The following ZCCHC4 variants were observed in gnomAD, a reference collection of about 807,000 sequenced individuals.
ZCCHC4 encodes zinc finger CCHC-type containing 4.
In ZCCHC4, 54 loss-of-function variants were observed where a neutral mutation model predicts 67.7. The ratio of observed to expected loss-of-function variants is 0.80; its 90% CI spans 0.64 to 1.00. The LOEUF (loss-of-function observed/expected upper bound fraction) is 1.00, where lower values mean the gene tolerates loss of function less well. Ranked by LOEUF, ZCCHC4 falls within the 50% of genes least tolerant of loss-of-function variation. ZCCHC4 has a pLI of 0.00. For missense variants in ZCCHC4, 609 were observed against 617.0 expected, an observed-to-expected ratio of 0.99 and a Z score of 0.14; for synonymous variants, 198 against 213.5, an observed-to-expected ratio of 0.93 and a Z score of 0.63.
intron 4 of ZCCHC4, 36 bp from the exon 5 acceptor site, chr4:25,333,872 A>G: frequency 5.0e-6 from 7 of 1,408,922 alleles, no homozygotes; most frequent in Non-Finnish European, 6.8e-6. Flanking sequence ...GACATTTGTA[A>G]TATCTTATTA....
chr4:25,362,085 AC>A, intron 9 of ZCCHC4, 105 bp downstream of exon 9: 1 of 1,475,608 alleles, frequency 6.8e-7, no homozygotes, highest in Non-Finnish European at 9.1e-7. Flanking sequence ...TTCTTCTGTT[AC>A]TTTTAAATTA....
chr4:25,364,811 TGAATTTGTTGCATGTAACA>T (rs370176259), intron 11 of ZCCHC4, among the ~76,000 whole-genome samples, 192 bp from the exon 12 acceptor site: 12 of 152,356 alleles, frequency 7.9e-5, no homozygotes, highest in African/African-American at 2.6e-4. Flanking sequence ...GGAGAAGGGC[TGAATTTGTTGCATGTAACA>T]GAAAGAAGTT....
At chr4:25,330,731 C>T (rs1485128669) in intron 3 of ZCCHC4, among the ~76,000 whole-genome samples, 3 of 152,192 alleles carry the variant, frequency 2.0e-5, no homozygotes, top group African/African-American at 7.2e-5. Context: ...AGGCAGTGCT[C>T]TTCTGAGTAC....
In ZCCHC4 at chr4:25,333,413, T is replaced by C. The variant is rs756913715; in HGVS notation, c.560T>C (p.Leu187Pro). Residue 187 changes from leucine (L) to proline (P), a missense_variant, in exon 4 of 13, where the codon CTT (leucine) becomes CCT (proline). Coordinates refer to ENST00000302874, the MANE Select transcript of ZCCHC4 (RefSeq NM_024936.3). ...DRSCQFLVDL[L>P]SALGFRRVLC... ...AGCTGTCAGTTCTTGGTAGACTTAC[T>C]TTCTGCCCTCGGATTCAGAAGAGTA... The C allele has an allele frequency of 8.1e-6, 13 of 1,614,086 alleles. No homozygotes were observed. Among genetic ancestry groups the C allele is most frequent in the Non-Finnish European group, 1.1e-5 (13 of 1,180,038 alleles).
chr4:25,329,629 G>C (rs562704944), intron 3 of ZCCHC4, among the ~76,000 whole-genome samples: 4 of 151,268 alleles, frequency 2.6e-5, no homozygotes, highest in Admixed American at 6.6e-5. Context: ...CTGCCTCATG[G>C]GTTCAAGTGA....
intron 7 of ZCCHC4, 40 bp downstream of exon 7, chr4:25,349,682 T>C: frequency 1.3e-6 from 2 of 1,590,266 alleles, no homozygotes; most frequent in Non-Finnish European, 1.7e-6. Context: ...CATATCTATA[T>C]ATCTACTTCC....
intron 3 of ZCCHC4, among the ~76,000 whole-genome samples, chr4:25,322,022 C>T (rs1718608826): frequency 6.6e-6 from 1 of 152,216 alleles, no homozygotes; most frequent in East Asian, 1.9e-4. Flanking sequence ...TGAACTACAT[C>T]TTGGCCTCTG....
rs750951399 is a variant in ZCCHC4 at position 25,314,169 on chromosome 4, A to G, written c.246+5A>G. ...TTTCAGTGGGAAGATGAAAAGGTAT[A>G]TCAACTTTTTGGATATTTATTTTTT... On this transcript the variant is annotated splice_donor_5th_base_variant and intron_variant, in intron 2 of 12. Coordinates refer to ENST00000302874, the MANE Select transcript of ZCCHC4 (RefSeq NM_024936.3). The G allele has an allele frequency of 3.2e-6, 5 of 1,556,842 alleles. No homozygotes were observed. The highest frequency in any genetic ancestry group is 2.0e-5 in the Admixed American group (1 of 50,750).
chr4:25,321,341 CT>C (rs1479888803), intron 3 of ZCCHC4, among the ~76,000 whole-genome samples: 1 of 151,888 alleles, frequency 6.6e-6, no homozygotes, highest in Non-Finnish European at 1.5e-5. Flanking sequence ...TAGCCTCCAA[CT>C]TTTGGGATTA....
intron 5 of ZCCHC4, among the ~76,000 whole-genome samples, chr4:25,334,791 T>C (rs1719368145): frequency 6.6e-6 from 1 of 152,178 alleles, no homozygotes; most frequent in South Asian, 2.1e-4. Context: ...AATCAGGCTT[T>C]GTGTTTCCTT....
chr4:25,317,945 A>G (rs1718359146), intron 3 of ZCCHC4, among the ~76,000 whole-genome samples: 1 of 152,204 alleles, frequency 6.6e-6, no homozygotes, highest in Non-Finnish European at 1.5e-5. Context: ...GCAGATAGTA[A>G]TATATGATGC....
intron 5 of ZCCHC4, among the ~76,000 whole-genome samples, chr4:25,343,009 T>TA (rs1719830103): frequency 6.6e-6 from 1 of 152,166 alleles, no homozygotes; most frequent in African/African-American, 2.4e-5. Flanking sequence ...GGGATTATGT[T>TA]AAAAAGGGAT....
At chr4:25,317,729 AAG>A (rs1231141204) in intron 3 of ZCCHC4, among the ~76,000 whole-genome samples, 31,810 of 126,260 alleles carry the variant, frequency 0.25, 5,988 homozygotes, top group Non-Finnish European at 0.39. Flanking sequence ...AAAAAAAAGA[AAG>A]AAAAGAAAAT....
At chr4:25,362,870 G>A (rs371321304) in intron 10 of ZCCHC4, among the ~76,000 whole-genome samples, 68 of 152,176 alleles carry the variant, frequency 4.5e-4, no homozygotes, top group African/African-American at 1.6e-3. Flanking sequence ...CTTTAAAGCA[G>A]TTTTAGGTTC....
chr4:25,357,533 G>A (rs1175345125), intron 8 of ZCCHC4, among the ~76,000 whole-genome samples: 1 of 152,174 alleles, frequency 6.6e-6, no homozygotes, highest in Non-Finnish European at 1.5e-5. Context: ...AGTGTACTTA[G>A]TTTTTCCCAC....
rs1178304392 is a variant in ZCCHC4 at position 25,312,883 on chromosome 4, T to C, written c.74T>C (p.Met25Thr). The C allele has an allele frequency of 1.2e-6, 2 of 1,612,764 alleles. No individual in the cohort carries two copies. Among genetic ancestry groups the C allele is most frequent in the Non-Finnish European group, 8.5e-7 (1 of 1,180,008 alleles). Residue 25 changes from methionine to threonine, a missense_variant, in exon 1 of 13, where the codon ATG becomes ACG. By Grantham distance (81) the Met-to-Thr change is moderately conservative (BLOSUM62 -1). Transcript: ENST00000302874. ...GSAGCRGSSG[M>T]EVVLPLDPAV... is the part of the protein sequence containing the mutation. ...GCAGGGTGCCGGGGAAGCTCGGGAATGGAGGTGGTGCTTCCTTTGGATCCT... is the reference window on the plus strand; with the variant it reads ...GCAGGGTGCCGGGGAAGCTCGGGAACGGAGGTGGTGCTTCCTTTGGATCCT...
In ZCCHC4 at chr4:25,351,688, A is replaced by T; in HGVS notation, c.1010A>T (p.Gln337Leu). The change falls in exon 8 of 13, where the codon CAG (glutamine) becomes CTG (leucine). Residue 337 changes from glutamine to leucine, a missense_variant and splice_region_variant. Gln to Leu is a moderately radical substitution (Grantham distance 113). Transcript: ENST00000302874. ...CCAAGCTTCCAGATGCTGGATTACC[A>T]GGTAGAGTACATATTCTGTTTTCTG... ...FFPSFQMLDY[Q>L]VDYDNHALYK... 11 of 1,605,618 alleles carry T rather than the reference A, an allele frequency of 6.9e-6. No homozygotes were observed. The highest frequency in any genetic ancestry group is 8.5e-6 in the Non-Finnish European group (10 of 1,174,030).
intron 5 of ZCCHC4, among the ~76,000 whole-genome samples, chr4:25,341,051 G>A (rs1719735476): frequency 6.6e-6 from 1 of 151,948 alleles, no homozygotes; most frequent in Non-Finnish European, 1.5e-5. Flanking sequence ...TGGCTGGCCA[G>A]GTTGGTCTTG....
intron 6 of ZCCHC4, among the ~76,000 whole-genome samples, chr4:25,347,956 A>G (rs1045709085): frequency 8.5e-5 from 13 of 152,184 alleles, no homozygotes; most frequent in Non-Finnish European, 7.3e-5. Context: ...CATTAAGACC[A>G]TCAGCAGCTT....
Sources: gnomAD v4.1 joint callset for allele counts (sites outside exome capture counted in the v4.1 genomes callset) on GRCh38, gnomAD v4.1.1 for gene constraint, MANE v1.5 for transcripts, NCBI Gene and HGNC (gene_info 2026-07-23, HGNC 2026-07-21) for gene names.